NME7: variants seen among roughly 807,000 people sequenced by gnomAD.
The protein encoded by NME7 is nucleoside diphosphate kinase 7.
NME7 carries 41 observed loss-of-function variants against 49.1 expected under a neutral mutation model. The ratio of observed to expected loss-of-function variants is 0.83; its 90% CI spans 0.65 to 1.08. The LOEUF is 1.08. Among genes scored for constraint, NME7 ranks in the 50% least tolerant of loss-of-function variants. The pLI is 0.00. For synonymous variants in NME7, 139 were observed against 150.6 expected (o/e 0.92, Z 0.56); for missense variants, 423 against 463.4 (o/e 0.91, Z 0.80).
intron 11 of NME7, among the ~76,000 whole-genome samples, chr1:169,161,503 A>C (rs1455614845): frequency 6.6e-6 from 1 of 152,200 alleles, no homozygotes; most frequent in African/African-American, 2.4e-5. Context: ...TTTCCCCCAG[A>C]GTGTACCAGA....
chr1:169,208,248 C>T (rs1017587921), intron 10 of NME7, among the ~76,000 whole-genome samples: 1 of 152,126 alleles, frequency 6.6e-6, no homozygotes, highest in African/African-American at 2.4e-5. Context: ...TCAACTAGGA[C>T]ATAAATTCCT....
intron 11 of NME7, among the ~76,000 whole-genome samples, chr1:169,142,481 G>C (rs1658624233): frequency 1.3e-5 from 2 of 152,076 alleles, no homozygotes; most frequent in Admixed American, 1.3e-4. Flanking sequence ...AGAATAAACT[G>C]TACTTCTGTT....
At chr1:169,361,675 G>C (rs947305444) in intron 1 of NME7, among the ~76,000 whole-genome samples, 1 of 151,740 alleles carries the variant, frequency 6.6e-6, no homozygotes, top group African/African-American at 2.4e-5. Context: ...AGCTACTCGG[G>C]AGGCTGGGGC....
At chr1:169,247,128 TCA>T (rs35977750) in intron 7 of NME7, 15,121 of 455,040 alleles carry the variant, frequency 0.033, 416 homozygotes, top group Non-Finnish European at 0.049. Flanking sequence ...TGAAATAAGA[TCA>T]CAGTTTTAAA....
intron 1 of NME7, among the ~76,000 whole-genome samples, chr1:169,363,755 A>G (rs1040787075): frequency 1.1e-4 from 17 of 152,164 alleles, no homozygotes; most frequent in Non-Finnish European, 2.2e-4. Context: ...AGATCACTGC[A>G]CTTTGTATTA....
At chr1:169,143,513 C>T (rs768383326) in intron 11 of NME7, among the ~76,000 whole-genome samples, 1 of 152,136 alleles carries the variant, frequency 6.6e-6, no homozygotes, top group Non-Finnish European at 1.5e-5. Context: ...TTTCACTACA[C>T]AGCAATAATC....
intron 7 of NME7, among the ~76,000 whole-genome samples, chr1:169,241,180 A>C (rs899962428): frequency 6.6e-6 from 1 of 152,132 alleles, no homozygotes; most frequent in African/African-American, 2.4e-5. Flanking sequence ...CCTATATTTG[A>C]GGATCAAAAA....
At chr1:169,348,896 C>CAAAA (rs34701797) in intron 1 of NME7, among the ~76,000 whole-genome samples, 1 of 147,400 alleles carries the variant, frequency 6.8e-6, no homozygotes. Context: ...AGAGTTAACT[C>CAAAA]AAAAAAAAAA....
At chr1:169,332,309 A>AAAAAT (rs1471236550) in intron 1 of NME7, among the ~76,000 whole-genome samples, 2 of 152,188 alleles carry the variant, frequency 1.3e-5, no homozygotes, top group Admixed American at 6.5e-5. Flanking sequence ...AGCCATATAC[A>AAAAAT]AAAATAAAAT....
At chr1:169,208,446 T>A (rs1382141615) in intron 10 of NME7, among the ~76,000 whole-genome samples, 1 of 152,112 alleles carries the variant, frequency 6.6e-6, no homozygotes, top group Non-Finnish European at 1.5e-5. Flanking sequence ...ATTATCTCTG[T>A]AACATGTCAG....
At chr1:169,168,812 C>T in intron 11 of NME7, 1 of 454,336 alleles carries the variant, frequency 2.2e-6, no homozygotes, top group South Asian at 1.6e-5. Flanking sequence ...TCATAATACA[C>T]ATTTTTTTCT....
At chr1:169,301,617 TCATA>T (rs1650942201) in intron 5 of NME7, among the ~76,000 whole-genome samples, 1 of 152,050 alleles carries the variant, frequency 6.6e-6, no homozygotes. Context: ...ACACATGCCC[TCATA>T]CACTCATTGC....
chr1:169,154,978 A>AT (rs981985257), intron 11 of NME7, among the ~76,000 whole-genome samples: 3 of 151,582 alleles, frequency 2.0e-5, no homozygotes, highest in Non-Finnish European at 2.9e-5. Flanking sequence ...ATTTAAAAAA[A>AT]TTTTTTTTTA....
intron 10 of NME7, among the ~76,000 whole-genome samples, chr1:169,212,880 C>T (rs1018507721): frequency 2.6e-5 from 4 of 152,132 alleles, no homozygotes; most frequent in African/African-American, 9.7e-5. Context: ...CCTCCCACCT[C>T]ATCCTCCCAA....
intron 6 of NME7, among the ~76,000 whole-genome samples, chr1:169,293,867 A>G (rs1036046787): frequency 3.3e-5 from 5 of 152,136 alleles, no homozygotes; most frequent in Admixed American, 2.6e-4. Flanking sequence ...TAAAATAAAT[A>G]TTTATAATTT....
chr1:169,350,750 T>C (rs1407748288), intron 1 of NME7, among the ~76,000 whole-genome samples: 1 of 152,132 alleles, frequency 6.6e-6, no homozygotes, highest in Non-Finnish European at 1.5e-5. Flanking sequence ...TGATATGGTA[T>C]TAACTAAATA....
At chr1:169,351,798 A>G (rs1653183765) in intron 1 of NME7, among the ~76,000 whole-genome samples, 1 of 151,992 alleles carries the variant, frequency 6.6e-6, no homozygotes, top group Non-Finnish European at 1.5e-5. Flanking sequence ...ATGAGCAACT[A>G]TATGCCAATA....
At chr1:169,168,584 AC>A (rs1473688989) in intron 11 of NME7, among the ~76,000 whole-genome samples, 3 of 152,154 alleles carry the variant, frequency 2.0e-5, no homozygotes, top group Non-Finnish European at 4.4e-5. Flanking sequence ...GGTGCATGCC[AC>A]TGAGCCTGGC....
chr1:169,190,847 C>T, intron 10 of NME7: 1 of 90,688 alleles, frequency 1.1e-5, no homozygotes, highest in South Asian at 7.0e-5. Context: ...GAGTCTCGCT[C>T]TGTCGCCCAG....
Sources: allele counts gnomAD v4.1 joint callset (sites outside exome capture counted in the v4.1 genomes callset), GRCh38; gene constraint gnomAD v4.1.1; transcripts MANE v1.5; gene names NCBI Gene and HGNC (gene_info 2026-07-23, HGNC 2026-07-21).